Variants in ZNF600 observed in about 807,000 individuals in gnomAD.
ZNF600 encodes the protein zinc finger protein 600.
ZNF600 carries 4 observed loss-of-function variants against 7.3 expected under a neutral mutation model. The ratio of observed to expected loss-of-function variants is 0.55; its 90% CI spans 0.27 to 1.25. The LOEUF (loss-of-function observed/expected upper bound fraction) is 1.25, where lower values mean the gene tolerates loss of function less well. ZNF600 is among the 50% of genes most tolerant of loss of function. ZNF600 has a pLI of 0.12. For synonymous variants in ZNF600, 290 were observed against 308.9 expected (o/e 0.94, Z 0.64); for missense variants, 911 against 922.1 (o/e 0.99, Z 0.16).
At chr19:52,810,334 G>A in the ZNF600 span, 1 of 1,602,928 alleles carries the variant, frequency 6.2e-7, no homozygotes, top group Non-Finnish European at 8.5e-7. Context: ...AATGTGGACT[G>A]CGGTGCAACA....
At chr19:52,816,276 T>A in the ZNF600 span, among the ~76,000 whole-genome samples, 1 of 147,110 alleles carries the variant, frequency 6.8e-6, no homozygotes, top group Non-Finnish European at 1.5e-5. Context: ...CCCAACACTC[T>A]TGGGGGCTGA....
chr19:52,811,082 C>A, the ZNF600 span, among the ~76,000 whole-genome samples: 5 of 149,240 alleles, frequency 3.4e-5, no homozygotes, highest in African/African-American at 7.4e-5. Context: ...TTGGTGGAGA[C>A]GGGGTTTCGC....
chr19:52,811,761 CG>C, the ZNF600 span, among the ~76,000 whole-genome samples: 1 of 125,256 alleles, frequency 8.0e-6, no homozygotes, highest in African/African-American at 3.2e-5. Context: ...GGAGGGAGGT[CG>C]GGGGGGTCAG....
At chr19:52,809,533 C>T in the ZNF600 span, among the ~76,000 whole-genome samples, 20 of 152,228 alleles carry the variant, frequency 1.3e-4, no homozygotes, top group East Asian at 3.9e-4. Flanking sequence ...ATGGGCCTGG[C>T]GCGGTGGCTC....
At chr19:52,800,784 G>T in the ZNF600 span, 6 of 1,614,034 alleles carry the variant, frequency 3.7e-6, no homozygotes, top group Non-Finnish European at 5.1e-6. Context: ...ACACTTGTAA[G>T]GTTTCTCTCC....
intron 3 of ZNF600, among the ~76,000 whole-genome samples, chr19:52,772,993 A>T (rs2062642861): frequency 6.6e-6 from 1 of 152,198 alleles, no homozygotes; most frequent in African/African-American, 2.4e-5. Context: ...AATTTTGTCC[A>T]GTGGATGAAC....
the ZNF600 span, among the ~76,000 whole-genome samples, chr19:52,822,415 C>G: frequency 6.6e-6 from 1 of 152,020 alleles, no homozygotes; most frequent in Non-Finnish European, 1.5e-5. Context: ...TGAGAAAATA[C>G]AACTGAAAAC....
chr19:52,799,143 T>C, the ZNF600 span: 3 of 406,154 alleles, frequency 7.4e-6, no homozygotes, highest in Non-Finnish European at 1.4e-5. Context: ...ACTTGCAAGG[T>C]GTGACTGTTG....
At chr19:52,774,863 C>G (rs1449672207) in intron 2 of ZNF600, among the ~76,000 whole-genome samples, 162 bp from the exon 5 acceptor site, 1 of 152,046 alleles carries the variant, frequency 6.6e-6, no homozygotes, top group Non-Finnish European at 1.5e-5. Context: ...TTTTATTGTA[C>G]TTTTCTTTGA....
intron 1 of ZNF600, among the ~76,000 whole-genome samples, chr19:52,784,290 C>T (rs191058625): frequency 4.6e-5 from 7 of 152,268 alleles, no homozygotes; most frequent in African/African-American, 1.7e-4. Flanking sequence ...CCTGTGGTCT[C>T]AGCTACTAGA....
the ZNF600 span, chr19:52,807,804 C>A: frequency 1.1e-6 from 1 of 930,434 alleles, no homozygotes; most frequent in East Asian, 2.8e-5. Context: ...TACTTTACTT[C>A]TGGAAGCTCC....
the ZNF600 span, chr19:52,817,795 C>T: frequency 2.2e-5 from 34 of 1,529,804 alleles, no homozygotes; most frequent in Admixed American, 3.5e-5. Context: ...GGAATCTAAG[C>T]GAGATGAGAT....
chr19:52,780,562 A>G lies in ZNF600; in HGVS notation c.-19-1655T>C, dbSNP rs1049766777. The G allele has an allele frequency of 1.3e-5, 2 of 152,200 alleles. No homozygotes were observed. The highest frequency in any genetic ancestry group is 4.8e-5 in the African/African-American group (2 of 41,426). 9.4% of individuals were successfully genotyped at this position (152,200 alleles called of 1,614,324 possible). A position where few individuals can be genotyped will look rare whatever the true frequency, so the allele number is the denominator to read the frequency against. On this transcript the variant is annotated intron_variant, in intron 1 of 3. Transcript: ENST00000648973. ...ACAGACCCATAGGAACATGTCTTCA[A>G]ACATGTTTCTCCCACAACCTTAAAG...
At chr19:52,808,267 C>T in the ZNF600 span, 15 of 1,487,140 alleles carry the variant, frequency 1.0e-5, no homozygotes. Flanking sequence ...GATTTTTCAC[C>T]ACATGATGTT....
the ZNF600 span, among the ~76,000 whole-genome samples, chr19:52,823,977 C>T: frequency 6.6e-6 from 1 of 151,938 alleles, no homozygotes; most frequent in African/African-American, 2.4e-5. Context: ...GGAGGTGAAT[C>T]GCTTGAGCCC....
the ZNF600 span, among the ~76,000 whole-genome samples, chr19:52,813,731 C>G: frequency 1.4e-5 from 2 of 145,944 alleles, no homozygotes; most frequent in African/African-American, 2.7e-5. Flanking sequence ...TTTCTGCAGC[C>G]AGAAGATCTC....
upstream of ZNF600, among the ~76,000 whole-genome samples, chr19:52,788,983 G>C (rs2062785081): frequency 2.6e-5 from 4 of 152,204 alleles, no homozygotes; most frequent in Non-Finnish European, 4.4e-5. Flanking sequence ...CTCTCCGCTT[G>C]GGGACTTGTT....
chr19:52,782,462 G>A (rs979810764), intron 1 of ZNF600, among the ~76,000 whole-genome samples: 2 of 151,518 alleles, frequency 1.3e-5, no homozygotes, highest in African/African-American at 2.4e-5. Context: ...GGCGAAGTTT[G>A]TGATGAGCCA....
chr19:52,809,979 TCTGAGGAACTGGAGC>T, the ZNF600 span: 1 of 780,220 alleles, frequency 1.3e-6, no homozygotes, highest in Non-Finnish European at 2.2e-6. Flanking sequence ...CGGCCTGGAG[TCTGAGGAACTGGAGC>T]CTGAGGAGCT....
Sources: gnomAD v4.1 joint callset for allele counts (sites outside exome capture counted in the v4.1 genomes callset) on GRCh38, gnomAD v4.1.1 for gene constraint, MANE v1.5 for transcripts, NCBI Gene and HGNC (gene_info 2026-07-23, HGNC 2026-07-21) for gene names.